The following SLC9C1 variants were observed in gnomAD, a reference collection of about 807,000 sequenced individuals.
SLC9C1 encodes the protein solute carrier family 9 member C1, also known as sodium/hydrogen exchanger 10.
In SLC9C1, 97 loss-of-function variants were observed where a neutral mutation model predicts 140.9. The ratio of observed to expected loss-of-function variants is 0.69; its 90% CI spans 0.58 to 0.82. SLC9C1 has a LOEUF of 0.82. SLC9C1 is among the 40% of genes least tolerant of loss of function. SLC9C1 has a pLI of 0.00. For missense variants in SLC9C1, 1,340 were observed against 1,389.3 expected (o/e 0.96, Z 0.56); for synonymous variants, 440 against 442.6 (o/e 0.99, Z 0.07).
intron 20 of SLC9C1, among the ~76,000 whole-genome samples, chr3:112,196,446 T>A (rs1441298519): frequency 6.6e-6 from 1 of 152,112 alleles, no homozygotes; most frequent in Non-Finnish European, 1.5e-5. Context: ...ATTTCAAAAG[T>A]TTTTGGCCAT....
chr3:112,156,667 C>T (rs991581392), intron 26 of SLC9C1, among the ~76,000 whole-genome samples: 9 of 151,956 alleles, frequency 5.9e-5, no homozygotes, highest in African/African-American at 2.2e-4. Flanking sequence ...GTTCCCCTTT[C>T]TTGGTGTATT....
rs146074281 is a variant in SLC9C1, at chr3:112,166,450, G to C, written c.3364+771C>G. Among the ~76,000 whole-genome samples, 741 of 152,276 alleles carry C rather than the reference G, an allele frequency of 4.9e-3. 4 individuals are homozygous for C. Among genetic ancestry groups the C allele is most frequent in the African/African-American group, 0.017 (716 of 41,538 alleles). ...CTGGAGAGCTCCACATGGCTGGGGA[G>C]GCCTCAAGAAACTTACAGTCATGGT... On this transcript the variant is annotated intron_variant, in intron 26 of 28. Transcript: ENST00000305815.
chr3:112,284,104 G>T (rs549763943), intron 2 of SLC9C1, among the ~76,000 whole-genome samples: 1 of 152,338 alleles, frequency 6.6e-6, no homozygotes, highest in East Asian at 1.9e-4. Context: ...GAAATTGGAT[G>T]TGATTAGATT....
chr3:112,270,101 GA>G (rs762349374), intron 6 of SLC9C1, 24 bp from the exon 7 acceptor site: 1 of 1,468,766 alleles, frequency 6.8e-7, no homozygotes, highest in Non-Finnish European at 9.0e-7. Context: ...GCGTAAATAA[GA>G]AATAGTTAAT....
intron 11 of SLC9C1, among the ~76,000 whole-genome samples, chr3:112,242,569 A>G (rs1485114662): frequency 6.6e-6 from 1 of 152,148 alleles, no homozygotes; most frequent in African/African-American, 2.4e-5. Flanking sequence ...TTGGGTGGTT[A>G]ATGCATTCAA....
intron 26 of SLC9C1, among the ~76,000 whole-genome samples, chr3:112,158,641 T>A (rs867515195): frequency 2.1e-4 from 32 of 152,022 alleles, no homozygotes; most frequent in African/African-American, 7.2e-4. Context: ...AGTGAACCCA[T>A]TAGATCCTGG....
At chr3:112,171,918 T>C (rs892489419) in intron 23 of SLC9C1, among the ~76,000 whole-genome samples, 1 of 152,212 alleles carries the variant, frequency 6.6e-6, no homozygotes, top group Non-Finnish European at 1.5e-5. Flanking sequence ...ATTGACTATG[T>C]ATGTGTGGAT....
At position 112,275,004 on chromosome 3, in the gene SLC9C1, C is replaced by T. The variant is rs1559743014; in HGVS notation, c.506G>A (p.Ser169Asn). Residue 169 changes from serine to asparagine, a missense_variant, in exon 6 of 29, where the codon AGT becomes AAT. Ser to Asn is a conservative substitution (Grantham distance 46, BLOSUM62 1). Transcript: ENST00000305815. ...CATCAGACTTTCTCCATTAATTAAA[C>T]TGATGAGGCTTCTAGAAAGCCCTAC... The part of the protein sequence containing the change: ...RDLGLSRSLI[S>N]LINGESLMTS... The T allele has an allele frequency of 6.4e-7, 1 of 1,572,250 alleles. No homozygotes were observed. The highest frequency in any genetic ancestry group is 8.6e-7 in the Non-Finnish European group (1 of 1,167,422).
chr3:112,199,318 T>TAC lies in SLC9C1; in HGVS notation c.2523+1_2523+2dup, dbSNP rs1312160082. On this transcript the variant is annotated splice_region_variant and intron_variant, in intron 20 of 28. Coordinates refer to ENST00000305815, the MANE Select transcript of SLC9C1 (RefSeq NM_183061.3). ...TACTTGCTTTGAAAATATTTTGCCT[T>TAC]ACCTTATTAATTCCAGCACCTTCAG... 4.2e-5 allele frequency: 65 copies of TAC among 1,558,372 alleles called. No individual in the cohort carries two copies. The highest frequency in any genetic ancestry group is 5.3e-5 in the Non-Finnish European group (61 of 1,156,802).
chr3:112,147,083 T>C (rs968196084), intron 28 of SLC9C1, among the ~76,000 whole-genome samples: 3 of 152,228 alleles, frequency 2.0e-5, no homozygotes, highest in Admixed American at 1.3e-4. Flanking sequence ...GTTTCCTATT[T>C]AAAGTCTGTT....
chr3:112,150,325 C>T (rs780859114), intron 28 of SLC9C1, among the ~76,000 whole-genome samples: 2 of 152,132 alleles, frequency 1.3e-5, no homozygotes, highest in Admixed American at 1.3e-4. Context: ...TAAGTTAACT[C>T]GAGGGCTAGG....
intron 20 of SLC9C1, among the ~76,000 whole-genome samples, chr3:112,193,597 T>C (rs1197580342): frequency 1.3e-5 from 2 of 152,050 alleles, no homozygotes; most frequent in African/African-American, 4.8e-5. Flanking sequence ...GGGTTGTGTC[T>C]CAGGCTCTGG....
chr3:112,261,943 A>G (rs1392432281), intron 10 of SLC9C1, among the ~76,000 whole-genome samples: 1 of 152,086 alleles, frequency 6.6e-6, no homozygotes, highest in Non-Finnish European at 1.5e-5. Flanking sequence ...ATTACACAAC[A>G]GAAATGGGCA....
intron 26 of SLC9C1, among the ~76,000 whole-genome samples, chr3:112,165,046 TC>T (rs1448409040): frequency 6.6e-6 from 1 of 152,278 alleles, no homozygotes; most frequent in African/African-American, 2.4e-5. Context: ...TGATATCCTT[TC>T]TTCCAGTTGA....
At chr3:112,168,852 A>T in intron 25 of SLC9C1, 25 bp downstream of exon 25, 1 of 1,542,538 alleles carries the variant, frequency 6.5e-7, no homozygotes, top group Non-Finnish European at 8.7e-7. Context: ...TATTGATCTG[A>T]AGACAGGAAT....
chr3:112,143,492 CATG>C (rs1426549632), intron 28 of SLC9C1, among the ~76,000 whole-genome samples: 1 of 152,050 alleles, frequency 6.6e-6, no homozygotes, highest in Non-Finnish European at 1.5e-5. Context: ...AATGATTAGT[CATG>C]ATGAGCACTT....
chr3:112,215,550 T>G (rs2078337369), intron 15 of SLC9C1, among the ~76,000 whole-genome samples: 1 of 152,014 alleles, frequency 6.6e-6, no homozygotes, highest in South Asian at 2.1e-4. Flanking sequence ...TCACAAGCAT[T>G]CTTATACACC....
chr3:112,237,882 C>G (rs1255216852), intron 12 of SLC9C1, among the ~76,000 whole-genome samples: 2 of 152,104 alleles, frequency 1.3e-5, no homozygotes, highest in African/African-American at 4.8e-5. Context: ...CTCTGGCTGC[C>G]CTTAACATTT....
intron 6 of SLC9C1, 125 bp from the exon 7 acceptor site, chr3:112,270,202 G>C: frequency 1.1e-6 from 1 of 901,484 alleles, no homozygotes; most frequent in Non-Finnish European, 1.6e-6. Flanking sequence ...CAATGAACAT[G>C]AGAGTGCAGA....
Sources: allele counts gnomAD v4.1 joint callset (sites outside exome capture counted in the v4.1 genomes callset), GRCh38; gene constraint gnomAD v4.1.1; transcripts MANE v1.5; gene names NCBI Gene and HGNC (gene_info 2026-07-23, HGNC 2026-07-21).